Variants in BMP7 observed in about 807,000 individuals in gnomAD.
BMP7 encodes the protein bone morphogenetic protein 7.
BMP7 carries 12 observed loss-of-function variants against 41.2 expected under a neutral mutation model. That is an observed-to-expected ratio of 0.29 (90% confidence interval 0.19 to 0.47). The LOEUF is 0.47. BMP7 is among the 20% of genes least tolerant of loss of function. The probability of loss-of-function intolerance (pLI) is 0.99; values close to 1 mark genes in which losing one functional copy is unlikely to be tolerated. For missense variants in BMP7, 467 were observed against 606.0 expected (o/e 0.77, Z 2.41); for synonymous variants, 248 against 250.0 (o/e 0.99, Z 0.07).
At chr20:57,264,603 C>T (rs1344016364) in intron 1 of BMP7, among the ~76,000 whole-genome samples, 1 of 152,218 alleles carries the variant, frequency 6.6e-6, no homozygotes, top group African/African-American at 2.4e-5. Context: ...CCGGGACCCC[C>T]AGCCGCCCCC....
At chr20:57,211,470 C>T (rs1984881980) in intron 2 of BMP7, among the ~76,000 whole-genome samples, 1 of 146,892 alleles carries the variant, frequency 6.8e-6, no homozygotes, top group African/African-American at 2.7e-5. Context: ...GGCAGAATAA[C>T]ACCCCCTCAG....
intron 2 of BMP7, among the ~76,000 whole-genome samples, chr20:57,218,106 C>A (rs1985077479): frequency 6.6e-6 from 1 of 152,258 alleles, no homozygotes; most frequent in African/African-American, 2.4e-5. Context: ...CAGGGCCCGA[C>A]ACACAGAAGT....
rs1192100172 is a variant in BMP7 at position 57,254,328 on chromosome 20, TG to T, written c.418+11376del. 2.0e-5 allele frequency among the ~76,000 whole-genome samples: 3 copies of T among 152,220 alleles called. No individual in the cohort carries two copies. The East Asian group carries it at 5.8e-4, about 29-fold the overall frequency. The stretch of plus-strand genomic sequence containing the variant: ...GTGAGCCACCGCGCCCAGCCTCTTT[TG>T]GTTTCTTCTTATTAAAAGACAGAAA... On this transcript the variant is annotated intron_variant, in intron 1 of 6. Coordinates refer to ENST00000395863, the MANE Select transcript of BMP7 (RefSeq NM_001719.3).
In BMP7 at chr20:57,261,180, G is replaced by A. The variant is rs2146033159; in HGVS notation, c.418+4525C>T. Reference sequence around the variant, plus strand: ...GGTGAGGGGATCGCGCACCAGCTGTGTTTATCTCGGCAAAGGCTTGAGAGC... The same window carrying A: ...GGTGAGGGGATCGCGCACCAGCTGTATTTATCTCGGCAAAGGCTTGAGAGC... On this transcript the variant is annotated intron_variant, in intron 1 of 6. Transcript: ENST00000395863. The surrounding 1 kb of genome is among the most constrained non-coding windows in gnomAD (Gnocchi z 4.1). Among the ~76,000 whole-genome samples the A allele has an allele frequency of 6.6e-6, 1 of 152,318 alleles. No homozygotes were observed. The highest frequency in any genetic ancestry group is 1.5e-5 in the Non-Finnish European group (1 of 68,026).
chr20:57,242,044 C>T (rs1481022450), intron 1 of BMP7, among the ~76,000 whole-genome samples: 1 of 152,192 alleles, frequency 6.6e-6, no homozygotes, highest in Admixed American at 6.5e-5. Context: ...CTTCCCACCT[C>T]CCAGAGGGAG....
chr20:57,265,583 G>A (rs1009018162), intron 1 of BMP7, 122 bp downstream of exon 1: 3 of 1,443,466 alleles, frequency 2.1e-6, no homozygotes, highest in Middle Eastern at 1.8e-4. Context: ...CCCTCGGGCA[G>A]GCACTGCGAT....
intron 2 of BMP7, among the ~76,000 whole-genome samples, chr20:57,208,819 G>A (rs1323474677): frequency 6.6e-6 from 1 of 152,168 alleles, no homozygotes; most frequent in Non-Finnish European, 1.5e-5. Context: ...AGAAAAAGCA[G>A]TCAGACTTAA....
chr20:57,227,969 C>A (rs1252275658), intron 2 of BMP7, among the ~76,000 whole-genome samples: 1 of 152,136 alleles, frequency 6.6e-6, no homozygotes, highest in Non-Finnish European at 1.5e-5. Flanking sequence ...TAGCACCCAG[C>A]CAGATCTAGA....
At chr20:57,248,872 C>T (rs1256881761) in intron 1 of BMP7, among the ~76,000 whole-genome samples, 2 of 151,196 alleles carry the variant, frequency 1.3e-5, no homozygotes, top group African/African-American at 2.4e-5. Flanking sequence ...GATCTCGGCT[C>T]ACTGCAAGCT....
rs973476803 is a variant in BMP7 at position 57,228,035 on chromosome 20, T to C, written c.611+194A>G. 1.3e-5 allele frequency among the ~76,000 whole-genome samples: 2 copies of C among 152,154 alleles called. No homozygotes were observed. Among genetic ancestry groups the C allele is most frequent in the Admixed American group, 1.3e-4 (2 of 15,276 alleles). The stretch of plus-strand genomic sequence containing the variant: ...ATCCCTGGGCTCCCTGGCCTTCTAC[T>C]ATTCCTGAATTTGTTGTCGGTCATG... On this transcript the variant is annotated intron_variant, in intron 2 of 6. Transcript: ENST00000395863. This position sits in a 1 kb window ranked among gnomAD's most constrained non-coding sequence, Gnocchi z 4.5.
At chr20:57,217,490 G>A (rs1468727169) in intron 2 of BMP7, among the ~76,000 whole-genome samples, 1 of 152,196 alleles carries the variant, frequency 6.6e-6, no homozygotes, top group Non-Finnish European at 1.5e-5. Flanking sequence ...TGGGGACCCC[G>A]TGTGGCTGTG....
chr20:57,175,817 C>T (rs1157736251), intron 4 of BMP7, among the ~76,000 whole-genome samples: 1 of 106,548 alleles, frequency 9.4e-6, no homozygotes, highest in Non-Finnish European at 1.9e-5. Context: ...CAGAGCAGGG[C>T]CCAGGCTGTG....
chr20:57,256,146 G>A (rs1250237409), intron 1 of BMP7, among the ~76,000 whole-genome samples: 2 of 152,212 alleles, frequency 1.3e-5, no homozygotes, highest in African/African-American at 4.8e-5. Flanking sequence ...TCTCCAAAAT[G>A]AAGCGCAAGA....
chr20:57,228,384 G>C lies in BMP7; in HGVS notation c.456C>G (p.His152Gln), dbSNP rs149836190. The C allele has an allele frequency of 3.2e-5, 51 of 1,614,076 alleles. No individual in the cohort carries two copies. The highest frequency in any genetic ancestry group is 8.5e-7 in the Non-Finnish European group (1 of 1,180,042). ...HDKEFFHPRYHHREFRFDLSK... is the reference protein window; with the variant it reads ...HDKEFFHPRYQHREFRFDLSK... ...AAAGATCAAACCGGAACTCTCGATG[G>C]TGGTAGCGTGGGTGGAAGAATTCCT... The change falls in exon 2 of 7, where the codon CAC becomes CAG. Residue 152 changes from histidine (H) to glutamine (Q), a missense_variant. This residue lies in a region of BMP7 where 407 missense variants were observed against 485.9 expected (regional missense o/e 0.84). Transcript: ENST00000395863. The surrounding 1 kb of genome is among the most constrained non-coding windows in gnomAD (Gnocchi z 4.5).
intron 2 of BMP7, chr20:57,225,959 T>G (rs1033089837): frequency 1.9e-5 from 9 of 471,178 alleles, no homozygotes; most frequent in African/African-American, 1.6e-4. Flanking sequence ...AGCAGGTACC[T>G]GTGCTGAGGA....
chr20:57,215,500 C>T lies in BMP7; in HGVS notation c.611+12729G>A, dbSNP rs550921044. The T allele has an allele frequency of 6.6e-6, 1 of 152,326 alleles. No homozygotes were observed. The highest frequency in any genetic ancestry group is 2.1e-4 in the South Asian group (1 of 4,834). The allele number at this position is 152,326 out of a possible 1,614,324, so 9.4% of individuals were successfully genotyped here. On this transcript the variant is annotated intron_variant, in intron 2 of 6. Transcript: ENST00000395863. This position sits in a 1 kb window ranked among gnomAD's most constrained non-coding sequence, Gnocchi z 4.2. ...AAACTGGAGGCTCTACTGTTCCATT[C>T]AACCCAGGCATGATCCATCCAGAAA...
chr20:57,249,518 ATGCAGGGGTGAC>A (rs920860099), intron 1 of BMP7, among the ~76,000 whole-genome samples: 2 of 152,144 alleles, frequency 1.3e-5, no homozygotes, highest in African/African-American at 2.4e-5. Context: ...CCTACCCCTG[ATGCAGGGGTGAC>A]TGCATCGCAC....
chr20:57,205,781 T>C (rs866572854), intron 2 of BMP7, among the ~76,000 whole-genome samples: 2 of 152,180 alleles, frequency 1.3e-5, no homozygotes, highest in Non-Finnish European at 2.9e-5. Flanking sequence ...TATTGCAGGC[T>C]ATGACACTGA....
intron 1 of BMP7, among the ~76,000 whole-genome samples, chr20:57,246,860 G>A (rs141994243): frequency 1.5e-3 from 223 of 151,802 alleles, no homozygotes; most frequent in African/African-American, 5.1e-3. Flanking sequence ...ATGGTGGCAC[G>A]TGCCTGTACT....
Sources: allele counts gnomAD v4.1 joint callset (sites outside exome capture counted in the v4.1 genomes callset), GRCh38; gene constraint gnomAD v4.1.1; regional missense constraint gnomAD v4.1.1; non-coding constraint Gnocchi (gnomAD v3.1); transcripts MANE v1.5; gene names NCBI Gene and HGNC (gene_info 2026-07-23, HGNC 2026-07-21).